DHDH: variants seen among roughly 807,000 people sequenced by gnomAD.
The protein encoded by DHDH is dihydrodiol dehydrogenase, also known as trans-1,2-dihydrobenzene-1,2-diol dehydrogenase.
A neutral mutation model predicts 33.2 loss-of-function variants in DHDH; 29 were observed. The observed-to-expected ratio is 0.87, with a 90% CI of 0.65 to 1.19. The LOEUF (loss-of-function observed/expected upper bound fraction) is 1.19, where lower values mean the gene tolerates loss of function less well. Among genes scored for constraint, DHDH ranks in the 50% most tolerant of loss-of-function variants. DHDH has a pLI of 0.00. For synonymous variants in DHDH, 201 were observed against 187.9 expected, an observed-to-expected ratio of 1.07 and a Z score of -0.57; for missense variants, 431 against 455.0, an observed-to-expected ratio of 0.95 and a Z score of 0.48.
Position 48,936,035 on chromosome 19 carries a change from T to G in DHDH, c.206T>G (p.Val69Gly), listed in dbSNP as rs767002970. The G allele has an allele frequency of 5.6e-6, 9 of 1,598,338 alleles. No individual in the cohort carries two copies. In the Admixed American group the frequency reaches 1.4e-4, roughly 25 times the overall value. The change falls in exon 3 of 7, where the codon GTG becomes GGG. Residue 69 changes from valine to glycine, a missense_variant. Coordinates refer to ENST00000221403, the MANE Select transcript of DHDH (RefSeq NM_014475.4). The part of the protein sequence containing the change: ...EELAKDPSVE[V>G]AYIGTQHPQH... ...TCTTGACCTACTCCCACCCTAGAGG[T>G]GGCCTACATTGGCACCCAGCACCCC...
chr19:48,939,385 CT>C (rs2037824107), intron 3 of DHDH, 63 bp from the exon 4 acceptor site: 1 of 1,542,838 alleles, frequency 6.5e-7, no homozygotes, highest in Admixed American at 1.9e-5. Context: ...GGGTATCCCC[CT>C]ATGATTGGGA....
In DHDH at chr19:48,936,161, CG is replaced by C. The variant is rs772491589; in HGVS notation, c.334del (p.Glu112ArgfsTer24). The part of the protein sequence containing the change: ...VNAAEVREMV[A>X]EARSRALFLM... ...GCGGCGGAAGTTCGCGAGATGGTCG[CG>C]GAGGCCCGATCCCGAGCCCTCTTCC... On this transcript the variant is annotated frameshift_variant, in exon 3 of 7. Coordinates refer to ENST00000221403, the MANE Select transcript of DHDH (RefSeq NM_014475.4). LOFTEE classifies it high-confidence loss of function. 6.7e-5 allele frequency: 107 copies of C among 1,604,818 alleles called. No homozygotes were observed. Among genetic ancestry groups the C allele is most frequent in the Non-Finnish European group, 8.6e-5 (101 of 1,176,688 alleles).
At position 48,944,921 on chromosome 19, in the gene DHDH, A is replaced by G. The variant is rs745670024; in HGVS notation, c.993A>G (p.Gln331=). The change falls in exon 7 of 7, where the codon CAA becomes CAG. Residue 331 remains glutamine, a synonymous_variant. Coordinates refer to ENST00000221403, the MANE Select transcript of DHDH (RefSeq NM_014475.4). ...AGGCCATTGGAGTCACCTTCCCCCA[A>G]GACAAACGCTGATGTATCCCCGAAT... is the stretch of plus-strand genomic sequence containing the variant. The part of the protein sequence containing the change: ...VRKAIGVTFP[Q]DKR 2.5e-6 allele frequency: 4 copies of G among 1,614,018 alleles called. No homozygotes were observed. In the East Asian group the frequency reaches 6.7e-5, roughly 27 times the overall value.
Position 48,936,419 on chromosome 19 carries a change from G to A in DHDH, c.366+224G>A, listed in dbSNP as rs557862122. Among the ~76,000 whole-genome samples, 5 of 152,230 alleles carry A rather than the reference G, an allele frequency of 3.3e-5. No homozygotes were observed. The South Asian group carries it at 8.3e-4, about 25-fold the overall frequency. ...AGTCTTTAAGAAAAAGATGCCGGCC[G>A]GGCGCGGTGGCTCATGCCTGTAATC... On this transcript the variant is annotated intron_variant, in intron 3 of 6. Transcript: ENST00000221403.
intron 4 of DHDH, 122 bp downstream of exon 4, chr19:48,939,823 T>A: frequency 7.1e-7 from 1 of 1,399,496 alleles, no homozygotes; most frequent in South Asian, 1.4e-5. Flanking sequence ...GGAACAACTT[T>A]CCATGAAGCC....
chr19:48,934,119 G>A (rs1472838116), intron 1 of DHDH, among the ~76,000 whole-genome samples: 1 of 152,236 alleles, frequency 6.6e-6, no homozygotes, highest in Non-Finnish European at 1.5e-5. Flanking sequence ...TGTGCTCACA[G>A]AAACATGTCC....
chr19:48,943,999 AAAAGAAAG>A (rs547584496), intron 5 of DHDH, among the ~76,000 whole-genome samples: 3 of 151,940 alleles, frequency 2.0e-5, no homozygotes, highest in Non-Finnish European at 4.4e-5. Context: ...CATCTCAAAA[AAAAGAAAG>A]AAAGAAAGAA....
intron 6 of DHDH, 138 bp downstream of exon 6, chr19:48,944,645 C>A (rs1010371029): frequency 7.4e-7 from 1 of 1,346,604 alleles, no homozygotes; most frequent in Admixed American, 2.4e-5. Flanking sequence ...CACTGCACTC[C>A]AGCCTGGGCA....
In DHDH at chr19:48,936,057, C is replaced by G. The variant is rs1428011479; in HGVS notation, c.228C>G (p.His76Gln). The G allele has an allele frequency of 6.2e-7, 1 of 1,607,120 alleles. No individual in the cohort carries two copies. The highest frequency in any genetic ancestry group is 1.1e-5 in the South Asian group (1 of 89,582). ...AGGTGGCCTACATTGGCACCCAGCACCCCCAGCACAAGGCGGCGGTGATGC... is the reference window on the plus strand; with the variant it reads ...AGGTGGCCTACATTGGCACCCAGCAGCCCCAGCACAAGGCGGCGGTGATGC... Reference protein sequence around the residue: ...SVEVAYIGTQHPQHKAAVMLC... With the variant: ...SVEVAYIGTQQPQHKAAVMLC... The change falls in exon 3 of 7, where the codon CAC (histidine) becomes CAG (glutamine). Residue 76 changes from histidine (H) to glutamine (Q), a missense_variant. Transcript: ENST00000221403.
At chr19:48,943,374 C>A (rs1443758883) in intron 5 of DHDH, among the ~76,000 whole-genome samples, 3 of 143,516 alleles carry the variant, frequency 2.1e-5, no homozygotes, top group Admixed American at 2.0e-4. Context: ...CTTCCTGGGG[C>A]CTTGTTGCTA....
intron 2 of DHDH, 41 bp downstream of exon 2, chr19:48,935,152 G>A: frequency 6.8e-7 from 1 of 1,478,504 alleles, no homozygotes. Flanking sequence ...CGCCGCCCCT[G>A]GAGCGGTGCC....
intron 2 of DHDH, among the ~76,000 whole-genome samples, chr19:48,935,643 G>A (rs1200762909): frequency 1.3e-5 from 2 of 151,294 alleles, no homozygotes; most frequent in South Asian, 4.2e-4. Context: ...CGGTGAAACC[G>A]CATCTCCACT....
chr19:48,943,123 C>G (rs1233344654), intron 5 of DHDH, among the ~76,000 whole-genome samples: 1 of 151,818 alleles, frequency 6.6e-6, no homozygotes, highest in Non-Finnish European at 1.5e-5. Context: ...CACCTATAAT[C>G]CCAGCACTTT....
chr19:48,936,471 C>T (rs60599403), intron 3 of DHDH, among the ~76,000 whole-genome samples: 24,424 of 151,688 alleles, frequency 0.16, 2,612 homozygotes, highest in East Asian at 0.46. Flanking sequence ...CCGAGGCGGG[C>T]GGAGCACGGG....
rs2037735538 is a variant in DHDH, at chr19:48,933,769, C to T, written c.48C>T (p.Asp16=). The change falls in exon 1 of 7, where the codon GAC becomes GAT. Residue 16 remains aspartate, a synonymous_variant. Transcript: ENST00000221403. ...GIVSVGLISS[D]FTAVLQTLPR... ...TGTCTGTCGGCCTCATCTCCAGCGA[C>T]TTCACAGCCGTGCTGCAGACGCTGC... is the stretch of plus-strand genomic sequence containing the variant. The T allele has an allele frequency of 6.2e-7, 1 of 1,612,924 alleles. No individual in the cohort carries two copies. The highest frequency in any genetic ancestry group is 1.3e-5 in the African/African-American group (1 of 74,950).
upstream of DHDH, among the ~76,000 whole-genome samples, chr19:48,933,124 G>A (rs1228169163): frequency 6.6e-6 from 1 of 152,148 alleles, no homozygotes. Flanking sequence ...AATGACCAGG[G>A]ATCTTGGAGT....
chr19:48,942,020 G>GTGTGTA (rs2037869115), intron 4 of DHDH, among the ~76,000 whole-genome samples: 1 of 150,826 alleles, frequency 6.6e-6, no homozygotes, highest in African/African-American at 2.4e-5. Flanking sequence ...GTGTGTGTGT[G>GTGTGTA]TGTGTGTGAT....
rs139938386 is a variant in DHDH, at chr19:48,939,587, C to T, written c.505C>T (p.Gln169Ter). ...IHVPRAVDRA[Q>*]AGGALLDIGI... ...CGTTCCCCGGGCCGTAGACCGGGCC[C>T]AGGCTGGGGGGGCCCTGCTGGACAT... Residue 169 changes from glutamine (Q) to a stop codon, truncating the protein, a stop_gained, in exon 4 of 7, where the codon CAG (glutamine) becomes TAG (stop). Transcript: ENST00000221403. LOFTEE classifies it high-confidence loss of function. 75 of 1,608,124 alleles carry T rather than the reference C, an allele frequency of 4.7e-5. No individual in the cohort carries two copies. In the African/African-American group the frequency reaches 9.5e-4, roughly 20 times the overall value.
chr19:48,944,638 T>G (rs2037915487), intron 6 of DHDH, 131 bp downstream of exon 6: 1 of 1,375,172 alleles, frequency 7.3e-7, no homozygotes, highest in Non-Finnish European at 9.9e-7. Context: ...ATTGCACCAC[T>G]GCACTCCAGC....
Sources: gnomAD v4.1 joint callset for allele counts (sites outside exome capture counted in the v4.1 genomes callset) on GRCh38, gnomAD v4.1.1 for gene constraint, MANE v1.5 for transcripts, NCBI Gene and HGNC (gene_info 2026-07-23, HGNC 2026-07-21) for gene names.